The following ART4 variants were observed in gnomAD, a reference collection of about 807,000 sequenced individuals.
The protein encoded by ART4 is ecto-ADP-ribosyltransferase 4.
ART4 carries 14 observed loss-of-function variants against 24.2 expected under a neutral mutation model. The observed-to-expected ratio is 0.58, with a 90% confidence interval of 0.38 to 0.90. ART4 has a LOEUF of 0.90. ART4 is among the 40% of genes least tolerant of loss of function. The pLI is 0.00. For synonymous variants in ART4, 145 were observed against 139.9 expected, an observed-to-expected ratio of 1.04 and a Z score of -0.26; for missense variants, 356 against 366.6, an observed-to-expected ratio of 0.97 and a Z score of 0.24.
chr12:14,830,403 G>A (rs1177813009), intron 2 of ART4, among the ~76,000 whole-genome samples: 1 of 151,344 alleles, frequency 6.6e-6, no homozygotes, highest in African/African-American at 2.4e-5. Context: ...TTTCTGGGAG[G>A]AAGAGATTCA....
At position 14,840,732 on chromosome 12, in the gene ART4, G is replaced by A. The variant is rs28362800; in HGVS notation, c.566C>T (p.Thr189Met). The change falls in exon 2 of 3, where the codon ACG (threonine) becomes ATG (methionine). Residue 189 changes from threonine to methionine, a missense_variant. Thr to Met is a moderately conservative substitution (Grantham distance 81, BLOSUM62 -1). Coordinates refer to ENST00000228936, the MANE Select transcript of ART4 (RefSeq NM_021071.4). ...GTAGGCATTAAAGTGGACATCCTTC[G>A]TCCTATAATGCACCTCATAGCACAG... The part of the protein sequence containing the change: ...GTLCYEVHYR[T>M]KDVHFNAYTG... 2,345 of 1,614,062 alleles carry A rather than the reference G, an allele frequency of 1.5e-3. 1 individual carries two copies. The highest frequency in any genetic ancestry group is 2.1e-3 in the African/African-American group (156 of 75,024).
At chr12:14,836,076 CAT>C (rs149334373) in intron 2 of ART4, among the ~76,000 whole-genome samples, 10 of 150,740 alleles carry the variant, frequency 6.6e-5, no homozygotes, top group Admixed American at 6.0e-4. Flanking sequence ...TATGTATATA[CAT>C]ATATATATAT....
intron 1 of ART4, among the ~76,000 whole-genome samples, chr12:14,842,768 A>G (rs1405748855): frequency 6.6e-6 from 1 of 152,218 alleles, no homozygotes; most frequent in Non-Finnish European, 1.5e-5. Flanking sequence ...AGCATCCATA[A>G]TGTCAAGTGT....
chr12:14,833,874 G>A (rs796629144), intron 2 of ART4, among the ~76,000 whole-genome samples: 2 of 152,266 alleles, frequency 1.3e-5, no homozygotes, highest in African/African-American at 4.8e-5. Flanking sequence ...ATATTACCTA[G>A]CAAAAACTTA....
In ART4 at chr12:14,829,339, T is replaced by A. The variant is rs765284147; in HGVS notation, c.*32A>T. On this transcript the variant is annotated 3_prime_UTR_variant, in exon 3 of 3. Coordinates refer to ENST00000228936, the MANE Select transcript of ART4 (RefSeq NM_021071.4). Reference sequence around the variant, plus strand: ...AATAAAAAAGATTTTATTTAAATATTTTTTTTAAATAAAAGGAGCCACAAG... The same window carrying A: ...AATAAAAAAGATTTTATTTAAATATATTTTTTAAATAAAAGGAGCCACAAG... 3 of 1,382,722 alleles carry A rather than the reference T, an allele frequency of 2.2e-6. No homozygotes were observed. Among genetic ancestry groups the A allele is most frequent in the Admixed American group, 4.7e-5 (2 of 42,402 alleles). The allele number at this position is 1,382,722 out of a possible 1,614,324, so 85.7% of individuals were successfully genotyped here. A position where few individuals can be genotyped will look rare whatever the true frequency, so the allele number is the denominator to read the frequency against.
chr12:14,837,554 C>T lies in ART4; in HGVS notation c.853+2891G>A, dbSNP rs1203171158. ...TTTAAGATGGAGTCTCACTCTATCG[C>T]CCAGGCTGGAGTGCAGTGGCATGAT... is the stretch of plus-strand genomic sequence containing the variant. On this transcript the variant is annotated intron_variant, in intron 2 of 2. Transcript: ENST00000228936. Among the ~76,000 whole-genome samples the T allele has an allele frequency of 2.0e-5, 3 of 152,146 alleles. No individual in the cohort carries two copies. The East Asian group carries it at 5.8e-4, about 29-fold the overall frequency.
rs1950453093 is a variant in ART4 at position 14,839,621 on chromosome 12, C to G, written c.853+824G>C. Among the ~76,000 whole-genome samples, 6 of 152,138 alleles carry G rather than the reference C, an allele frequency of 3.9e-5. No individual in the cohort carries two copies. In the South Asian group the frequency reaches 1.2e-3, roughly 31 times the overall value. ...AACTAACCTGCTCACATGACAACAA[C>G]ATTAATCCATTTATCCAATCATCTC... On this transcript the variant is annotated intron_variant, in intron 2 of 2. Coordinates refer to ENST00000228936, the MANE Select transcript of ART4 (RefSeq NM_021071.4).
intron 2 of ART4, among the ~76,000 whole-genome samples, chr12:14,840,036 A>C (rs1359827160): frequency 6.6e-6 from 1 of 152,196 alleles, no homozygotes; most frequent in African/African-American, 2.4e-5. Context: ...CCCCCATCAC[A>C]ATAGAAGATG....
chr12:14,841,182 A>G, intron 1 of ART4, 29 bp from the exon 2 acceptor site: 4 of 1,547,538 alleles, frequency 2.6e-6, no homozygotes, highest in Non-Finnish European at 3.5e-6. Flanking sequence ...CTTGAGTTTA[A>G]TTTTTCAAAT....
chr12:14,838,203 C>T lies in ART4; in HGVS notation c.853+2242G>A, dbSNP rs934505771. ...AGTTAAAGTTGCATTTGGGTAGTTT[C>T]GCCATAGGAAAGCAAAGATCATTAA... On this transcript the variant is annotated intron_variant, in intron 2 of 2. Coordinates refer to ENST00000228936, the MANE Select transcript of ART4 (RefSeq NM_021071.4). Among the ~76,000 whole-genome samples the T allele has an allele frequency of 7.2e-5, 11 of 152,256 alleles. No homozygotes were observed. In the East Asian group the frequency reaches 9.7e-4, roughly 13 times the overall value.
At position 14,840,819 on chromosome 12, in the gene ART4, T is replaced by C. The variant is rs1194715928; in HGVS notation, c.479A>G (p.His160Arg). ...CTGGATTGCTGAGGTGAGGTAGTAG[T>C]GTAAATATTTGAAGTGGAATGAACG... is the stretch of plus-strand genomic sequence containing the variant. Reference protein sequence around the residue: ...YERSFHFKYLHYYLTSAIQLL... With the variant: ...YERSFHFKYLRYYLTSAIQLL... Residue 160 changes from histidine (H) to arginine (R), a missense_variant, in exon 2 of 3, where the codon CAC becomes CGC. By Grantham distance (29) the His-to-Arg change is conservative. Coordinates refer to ENST00000228936, the MANE Select transcript of ART4 (RefSeq NM_021071.4). 4 of 1,614,066 alleles carry C rather than the reference T, an allele frequency of 2.5e-6. No individual in the cohort carries two copies. The Admixed American group carries it at 5.0e-5, about 20-fold the overall frequency.
intron 2 of ART4, among the ~76,000 whole-genome samples, chr12:14,838,929 G>A (rs1467449425): frequency 2.0e-5 from 3 of 151,358 alleles, no homozygotes; most frequent in Non-Finnish European, 4.4e-5. Flanking sequence ...ATCAAAAAGG[G>A]CACAGGATTT....
In ART4 at chr12:14,840,526, T is replaced by C; in HGVS notation, c.772A>G (p.Met258Val). 1.2e-5 allele frequency: 20 copies of C among 1,614,200 alleles called. No homozygotes were observed. Among genetic ancestry groups the C allele is most frequent in the Non-Finnish European group, 1.7e-5 (20 of 1,180,032 alleles). The change falls in exon 2 of 3, where the codon ATG (methionine) becomes GTG (valine). Residue 258 changes from methionine (M) to valine (V), a missense_variant. Met to Val is a conservative substitution (Grantham distance 21, BLOSUM62 1). Transcript: ENST00000228936. Reference sequence around the variant, plus strand: ...CAGTCTCCTCTTGGGTGGTAGCTCATATTTATAACTTTAAACAGCTCATAG... The same window carrying C: ...CAGTCTCCTCTTGGGTGGTAGCTCACATTTATAACTTTAAACAGCTCATAG... ...PPYELFKVINMSYHPRGDWLQ... is the reference protein window; with the variant it reads ...PPYELFKVINVSYHPRGDWLQ...
At chr12:14,841,433 G>T (rs1199745086) in intron 1 of ART4, among the ~76,000 whole-genome samples, 1 of 152,170 alleles carries the variant, frequency 6.6e-6, no homozygotes, top group Non-Finnish European at 1.5e-5. Flanking sequence ...CAGCATGTTT[G>T]CATAGTAAGT....
Position 14,828,492 on chromosome 12 carries a change from A to C in ART4, c.*879T>G, listed in dbSNP as rs113596445. 6 of 152,176 alleles carry C rather than the reference A, an allele frequency of 3.9e-5. No individual in the cohort carries two copies. The highest frequency in any genetic ancestry group is 1.4e-4 in the African/African-American group (6 of 41,424). The allele number at this position is 152,176 out of a possible 1,614,324, so 9.4% of individuals were successfully genotyped here. On this transcript the variant is annotated 3_prime_UTR_variant, in exon 3 of 3. Transcript: ENST00000228936. ...ACTAGCTTAATCTTGAATGCTCATA[A>C]AAAATCTCTGAAGAAAATTCACACC...
chr12:14,829,289 A>C lies in ART4; in HGVS notation c.*82T>G. ...ATGGGATCATCCTTCCTGGAAAATA[A>C]ATGTCCATTTCTAGCCAAAAGGCCA... On this transcript the variant is annotated 3_prime_UTR_variant, in exon 3 of 3. Coordinates refer to ENST00000228936, the MANE Select transcript of ART4 (RefSeq NM_021071.4). 1 of 964,200 alleles carries C rather than the reference A, an allele frequency of 1.0e-6. No homozygotes were observed. Among genetic ancestry groups the C allele is most frequent in the Non-Finnish European group, 1.5e-6 (1 of 669,274 alleles). 59.7% of individuals were successfully genotyped at this position (964,200 alleles called of 1,614,324 possible).
Position 14,843,321 on chromosome 12 carries a change from T to C in ART4, c.-208A>G. On this transcript the variant is annotated 5_prime_UTR_variant, in exon 1 of 3. Coordinates refer to ENST00000228936, the MANE Select transcript of ART4 (RefSeq NM_021071.4). ...GACTTCTTTGCAAAACTGAAATCTC[T>C]GTGAAATAGCCAGATGCGCACACCA... 1 of 544,050 alleles carries C rather than the reference T, an allele frequency of 1.8e-6. No individual in the cohort carries two copies. Among genetic ancestry groups the C allele is most frequent in the Non-Finnish European group, 3.2e-6 (1 of 307,718 alleles). 33.7% of individuals were successfully genotyped at this position (544,050 alleles called of 1,614,324 possible). A position where few individuals can be genotyped will look rare whatever the true frequency, so the allele number is the denominator to read the frequency against.
intron 2 of ART4, among the ~76,000 whole-genome samples, chr12:14,837,078 T>G (rs1300316181): frequency 6.6e-6 from 1 of 152,086 alleles, no homozygotes; most frequent in Non-Finnish European, 1.5e-5. Context: ...TGACTCACAG[T>G]GTAGACTGTG....
At position 14,829,798 on chromosome 12, in the gene ART4, G is replaced by A. The variant is rs889646147; in HGVS notation, c.854-336C>T. Among the ~76,000 whole-genome samples the A allele has an allele frequency of 9.9e-5, 15 of 152,226 alleles. 1 individual carries two copies. Among genetic ancestry groups the A allele is most frequent in the Admixed American group, 9.8e-4 (15 of 15,290 alleles). On this transcript the variant is annotated intron_variant, in intron 2 of 2. Transcript: ENST00000228936. ...CATCATCTTCATCACCATTATGAAA[G>A]TTAACACAGACTGAATGCTGATTTT...
Sources: allele counts gnomAD v4.1 joint callset (sites outside exome capture counted in the v4.1 genomes callset), GRCh38; gene constraint gnomAD v4.1.1; transcripts MANE v1.5; gene names NCBI Gene and HGNC (gene_info 2026-07-23, HGNC 2026-07-21).